The following SMAD6 variants were observed in gnomAD, a reference collection of about 807,000 sequenced individuals.
SMAD6 encodes SMAD family member 6.
In SMAD6, 103 loss-of-function variants were observed where a neutral mutation model predicts 39.4. The ratio of observed to expected loss-of-function variants is 2.62; its 90% CI spans 2.23 to 3.08. SMAD6 has a LOEUF of 3.08. Ranked by LOEUF, SMAD6 falls within the 30% of genes most tolerant of loss-of-function variation. The pLI, the probability that SMAD6 is intolerant of heterozygous loss-of-function variation, is 0.00. For synonymous variants in SMAD6, 445 were observed against 353.3 expected (o/e 1.26, Z -2.91); for missense variants, 1,104 against 742.9 (o/e 1.49, Z -5.65).
chr15:66,759,267 T>C, intron 3 of SMAD6, among the ~76,000 whole-genome samples: 1 of 152,174 alleles, frequency 6.6e-6, no homozygotes, highest in Non-Finnish European at 1.5e-5. Context: ...GAGAATTTGA[T>C]AAATCCCCAG....
At chr15:66,767,024 A>C (rs974731113) in intron 3 of SMAD6, among the ~76,000 whole-genome samples, 2 of 152,316 alleles carry the variant, frequency 1.3e-5, no homozygotes, top group Admixed American at 6.5e-5. Flanking sequence ...ACACAGGCTA[A>C]AGAATTACTC....
chr15:66,711,881 A>C (rs751159343), intron 2 of SMAD6, among the ~76,000 whole-genome samples, 157 bp downstream of exon 2: 1 of 151,360 alleles, frequency 6.6e-6, no homozygotes, highest in Non-Finnish European at 1.5e-5. Flanking sequence ...AAGTTGTACA[A>C]ACACTCCCAC....
chr15:66,732,770 C>T (rs541803982), intron 3 of SMAD6, among the ~76,000 whole-genome samples: 19 of 152,254 alleles, frequency 1.2e-4, no homozygotes, highest in Middle Eastern at 3.4e-3. Flanking sequence ...AGTATTTCCT[C>T]TCAGTCTGTG....
intron 2 of SMAD6, among the ~76,000 whole-genome samples, chr15:66,714,604 G>T (rs1367593566): frequency 6.6e-6 from 1 of 152,152 alleles, no homozygotes; most frequent in Non-Finnish European, 1.5e-5. Flanking sequence ...GAAAAAGCTG[G>T]TGAGCCCTGA....
intron 3 of SMAD6, among the ~76,000 whole-genome samples, chr15:66,758,115 T>A (rs1490347233): frequency 6.6e-6 from 1 of 152,266 alleles, no homozygotes; most frequent in African/African-American, 2.4e-5. Flanking sequence ...GAACTTTTGC[T>A]GACCTGAGAA....
chr15:66,737,572 T>C (rs1401082981), intron 3 of SMAD6, among the ~76,000 whole-genome samples: 1 of 152,018 alleles, frequency 6.6e-6, no homozygotes, highest in Non-Finnish European at 1.5e-5. Flanking sequence ...GTCCCGTCTT[T>C]CCTCCTCACC....
At chr15:66,717,731 G>T (rs1343768802) in intron 3 of SMAD6, among the ~76,000 whole-genome samples, 1 of 152,176 alleles carries the variant, frequency 6.6e-6, no homozygotes, top group Non-Finnish European at 1.5e-5. Context: ...AATGTGACTT[G>T]CCATACAGGG....
chr15:66,760,024 C>T (rs1167196965), intron 3 of SMAD6, among the ~76,000 whole-genome samples: 1 of 152,186 alleles, frequency 6.6e-6, no homozygotes, highest in Non-Finnish European at 1.5e-5. Flanking sequence ...ACCTTTCTGG[C>T]CTTGTCTCCT....
At chr15:66,770,624 A>G (rs1208787629) in intron 3 of SMAD6, among the ~76,000 whole-genome samples, 1 of 152,178 alleles carries the variant, frequency 6.6e-6, no homozygotes, top group Non-Finnish European at 1.5e-5. Flanking sequence ...TGATAAAACA[A>G]AAGAGGACTT....
At chr15:66,714,275 G>T (rs893135921) in intron 2 of SMAD6, among the ~76,000 whole-genome samples, 3 of 152,116 alleles carry the variant, frequency 2.0e-5, no homozygotes, top group African/African-American at 7.2e-5. Context: ...CAAATGAGAT[G>T]ACTGAGGCCC....
intron 3 of SMAD6, among the ~76,000 whole-genome samples, chr15:66,769,548 G>A (rs1437024990): frequency 2.0e-5 from 3 of 152,198 alleles, no homozygotes; most frequent in Non-Finnish European, 2.9e-5. Flanking sequence ...AGGAGATGGT[G>A]AGGCCAAGGA....
intron 1 of SMAD6, among the ~76,000 whole-genome samples, chr15:66,710,753 T>C (rs1893210824): frequency 6.6e-6 from 1 of 151,558 alleles, no homozygotes. Flanking sequence ...GAAAGCAAAG[T>C]ATATGTTTTT....
At chr15:66,771,638 A>G (rs1219266771) in intron 3 of SMAD6, among the ~76,000 whole-genome samples, 2 of 152,132 alleles carry the variant, frequency 1.3e-5, no homozygotes, top group Non-Finnish European at 2.9e-5. Flanking sequence ...ATGAGGCAGC[A>G]CCAAGGTGGG....
rs1024566506 is a variant in SMAD6 at position 66,703,232 on chromosome 15, C to A, written c.-27C>A. 23 of 1,364,726 alleles carry A rather than the reference C, an allele frequency of 1.7e-5. No homozygotes were observed. Among genetic ancestry groups the A allele is most frequent in the Non-Finnish European group, 2.0e-5 (21 of 1,051,192 alleles). The allele number at this position is 1,364,726 out of a possible 1,614,324, so 84.5% of individuals were successfully genotyped here. ...CCCGGTAACCGGAGACCGCCTCCCC[C>A]CCACCCCTGGCGCCAAAGGATATCG... On this transcript the variant is annotated 5_prime_UTR_variant, in exon 1 of 4. Coordinates refer to ENST00000288840, the MANE Select transcript of SMAD6 (RefSeq NM_005585.5).
At chr15:66,753,442 C>G (rs1035478943) in intron 3 of SMAD6, among the ~76,000 whole-genome samples, 1 of 152,208 alleles carries the variant, frequency 6.6e-6, no homozygotes, top group African/African-American at 2.4e-5. Flanking sequence ...CTCTAGGCAC[C>G]ATCTGTTCTG....
intron 3 of SMAD6, among the ~76,000 whole-genome samples, chr15:66,733,631 A>G (rs1466613186): frequency 1.3e-5 from 2 of 152,220 alleles, no homozygotes; most frequent in Non-Finnish European, 2.9e-5. Flanking sequence ...TATACTGACC[A>G]TATATGCATA....
rs114635522 is a variant in SMAD6, at chr15:66,755,209, G to A, written c.953-25788G>A. On this transcript the variant is annotated intron_variant, in intron 3 of 3. Transcript: ENST00000288840. ...GGAGGAGTCATGGCCCACTACGAAG[G>A]GCCACTGCCGTGTTGAAGAATCACC... Among the ~76,000 whole-genome samples the A allele has an allele frequency of 6.6e-3, 1,004 of 152,272 alleles. 9 individuals carry two copies. The highest frequency in any genetic ancestry group is 0.023 in the African/African-American group (950 of 41,522).
chr15:66,705,838 G>A (rs1208524546), intron 1 of SMAD6: 2 of 152,554 alleles, frequency 1.3e-5, no homozygotes, highest in Non-Finnish European at 2.9e-5. Context: ...GAAGGCTGTG[G>A]GTGTGTATGT....
At chr15:66,716,324 CCA>C in intron 2 of SMAD6, 95 bp from the exon 3 acceptor site, 1 of 863,370 alleles carries the variant, frequency 1.2e-6, no homozygotes, top group Admixed American at 1.8e-5. Context: ...GCACACACAT[CCA>C]CACACGTGCA....
Sources: gnomAD v4.1 joint callset for allele counts (sites outside exome capture counted in the v4.1 genomes callset) on GRCh38, gnomAD v4.1.1 for gene constraint, MANE v1.5 for transcripts, NCBI Gene and HGNC (gene_info 2026-07-23, HGNC 2026-07-21) for gene names.